The following DNMBP variants were observed in gnomAD, a reference collection of about 807,000 sequenced individuals.
DNMBP encodes the protein dynamin binding protein.
Under a neutral mutation model 150.0 loss-of-function variants are expected in DNMBP, and 87 were observed. That is an observed-to-expected ratio of 0.58 (90% CI 0.49 to 0.69). The LOEUF is 0.69. Ranked by LOEUF, DNMBP falls within the 30% of genes least tolerant of loss-of-function variation. DNMBP has a pLI of 0.00. For synonymous variants in DNMBP, 711 were observed against 750.4 expected, an observed-to-expected ratio of 0.95 and a Z score of 0.86; for missense variants, 1,774 against 1,949.0, an observed-to-expected ratio of 0.91 and a Z score of 1.69.
intron 3 of DNMBP, among the ~76,000 whole-genome samples, chr10:99,968,579 T>C (rs2133350426): frequency 6.6e-6 from 1 of 151,618 alleles, no homozygotes; most frequent in Non-Finnish European, 1.5e-5. Context: ...TCCCAGCTAC[T>C]CATGAAGCTG....
At chr10:99,920,423 G>A (rs201289271) in intron 4 of DNMBP, among the ~76,000 whole-genome samples, 2 of 151,970 alleles carry the variant, frequency 1.3e-5, no homozygotes, top group Non-Finnish European at 2.9e-5. Context: ...CCTAGGATAT[G>A]GGTGGGGTAA....
At position 99,915,108 on chromosome 10, in the gene DNMBP, A is replaced by AAAAAAAAT. The variant is rs10654940; in HGVS notation, c.2261-5963_2261-5962insATTTTTTT. Among the ~76,000 whole-genome samples the AAAAAAAAT allele has an allele frequency of 6.2e-3, 614 of 99,700 alleles. 8 individuals carry two copies. The highest frequency in any genetic ancestry group is 0.016 in the South Asian group (48 of 2,990). The allele number at this position is 99,700 out of a possible 152,430, so 65.4% of individuals were successfully genotyped here. On this transcript the variant is annotated intron_variant, in intron 4 of 16. Coordinates refer to ENST00000324109, the MANE Select transcript of DNMBP (RefSeq NM_015221.4). Reference sequence around the variant, plus strand: ...AAACTCTGTCTCAAAAAAAAAAAAAAATATATATATATATATATATACACA... The same window carrying AAAAAAAAT: ...AAACTCTGTCTCAAAAAAAAAAAAAAAAAAAAATATATATATATATATATATATACACA...
chr10:99,888,256 G>A (rs1331111489), intron 12 of DNMBP, among the ~76,000 whole-genome samples: 1 of 150,718 alleles, frequency 6.6e-6, no homozygotes, highest in East Asian at 1.9e-4. Context: ...TGTTGCCCAG[G>A]CTGGAGTACA....
chr10:99,898,803 G>A (rs751490074), intron 7 of DNMBP, 43 bp from the exon 8 acceptor site: 1 of 1,578,332 alleles, frequency 6.3e-7, no homozygotes, highest in East Asian at 2.2e-5. Flanking sequence ...CAGTTTATTA[G>A]AGAGAGAATC....
chr10:100,002,773 T>G (rs2133390914), intron 1 of DNMBP, among the ~76,000 whole-genome samples: 1 of 152,246 alleles, frequency 6.6e-6, no homozygotes, highest in South Asian at 2.1e-4. Context: ...TGATGCCATC[T>G]TATTTCCTCA....
intron 1 of DNMBP, among the ~76,000 whole-genome samples, chr10:99,974,484 A>G (rs1318349581): frequency 6.6e-6 from 1 of 152,184 alleles, no homozygotes; most frequent in Non-Finnish European, 1.5e-5. Context: ...TCACCAGAGT[A>G]TCCAGGCCTG....
At chr10:99,913,791 A>C (rs2039930162) in intron 4 of DNMBP, among the ~76,000 whole-genome samples, 2 of 152,184 alleles carry the variant, frequency 1.3e-5, no homozygotes, top group Admixed American at 6.5e-5. Context: ...TTCAGAGTTA[A>C]AGAGCAGAGC....
At chr10:99,936,914 T>G (rs754087431) in intron 4 of DNMBP, among the ~76,000 whole-genome samples, 5 of 152,028 alleles carry the variant, frequency 3.3e-5, no homozygotes, top group Admixed American at 6.6e-5. Flanking sequence ...TTTCTTATTC[T>G]TTGAGACAGA....
At chr10:99,959,545 C>T (rs1326478383) in intron 3 of DNMBP, among the ~76,000 whole-genome samples, 1 of 151,996 alleles carries the variant, frequency 6.6e-6, no homozygotes, top group Non-Finnish European at 1.5e-5. Flanking sequence ...TTTGGGGTCT[C>T]AATAACTTTT....
chr10:100,000,998 C>T (rs186720238), intron 1 of DNMBP, among the ~76,000 whole-genome samples: 73 of 150,784 alleles, frequency 4.8e-4, no homozygotes, highest in African/African-American at 1.6e-3. Flanking sequence ...TTTGGGAGGC[C>T]GAGGCGGGCA....
Position 99,956,734 on chromosome 10 carries a change from T to C in DNMBP, c.740A>G (p.Tyr247Cys), listed in dbSNP as rs752409286. ...PDEDEEEPGT[Y>C]GVALYRFQAL... ...TTGGAATCTGTACAGGGCGACCCCA[T>C]AGGTCCCTGGCTCCTCCTCATCCTC... Residue 247 changes from tyrosine (Y) to cysteine (C), a missense_variant, in exon 4 of 17, where the codon TAT (tyrosine) becomes TGT (cysteine). Physicochemically the swap from Tyr to Cys is radical, Grantham distance 194. Around this residue, in one of 2 missense-constraint regions of DNMBP, gnomAD observed 344 missense variants for 456.6 expected, o/e 0.75. Coordinates refer to ENST00000324109, the MANE Select transcript of DNMBP (RefSeq NM_015221.4). The C allele has an allele frequency of 1.2e-5, 20 of 1,614,108 alleles. No individual in the cohort carries two copies. The highest frequency in any genetic ancestry group is 1.7e-5 in the Non-Finnish European group (20 of 1,180,014).
chr10:99,972,144 T>A lies in DNMBP; in HGVS notation c.-10-10A>T. The A allele has an allele frequency of 6.2e-7, 1 of 1,602,972 alleles. No individual in the cohort carries two copies. The highest frequency in any genetic ancestry group is 8.5e-7 in the Non-Finnish European group (1 of 1,176,694). On this transcript the variant is annotated splice_polypyrimidine_tract_variant and intron_variant, in intron 1 of 16. Coordinates refer to ENST00000324109, the MANE Select transcript of DNMBP (RefSeq NM_015221.4). ...CTCCATGTTTTATAACCTGGAAAGA[T>A]AGATCAAGAGAAATAGAAAACATCA...
chr10:99,917,465 T>G (rs2039976490), intron 4 of DNMBP, among the ~76,000 whole-genome samples: 1 of 152,244 alleles, frequency 6.6e-6, no homozygotes, highest in African/African-American at 2.4e-5. Flanking sequence ...TTTCCTTTCT[T>G]TTCACTTATT....
At position 99,940,585 on chromosome 10, in the gene DNMBP, G is replaced by A. The variant is rs540812759; in HGVS notation, c.2260+14629C>T. On this transcript the variant is annotated intron_variant, in intron 4 of 16. Transcript: ENST00000324109. ...ATCAGTCCCGTAAACTTATGAACGC[G>A]TACTAATGTTTCTCATCTTACAAAC... Among the ~76,000 whole-genome samples the A allele has an allele frequency of 1.7e-4, 26 of 152,178 alleles. 1 individual carries two copies. Among genetic ancestry groups the A allele is most frequent in the Non-Finnish European group, 2.8e-4 (19 of 68,016 alleles).
intron 4 of DNMBP, among the ~76,000 whole-genome samples, chr10:99,938,899 C>A (rs2040263160): frequency 6.6e-6 from 1 of 152,182 alleles, no homozygotes; most frequent in African/African-American, 2.4e-5. Flanking sequence ...ACACAACAGT[C>A]ACACTCCACT....
chr10:99,885,593 A>G (rs1364413908), intron 14 of DNMBP, 94 bp downstream of exon 14: 3 of 1,155,652 alleles, frequency 2.6e-6, no homozygotes, highest in Non-Finnish European at 3.6e-6. Flanking sequence ...GAAATACAGA[A>G]ACTCCAATAG....
chr10:99,978,724 G>A (rs1183734989), intron 1 of DNMBP, among the ~76,000 whole-genome samples: 1 of 152,006 alleles, frequency 6.6e-6, no homozygotes, highest in East Asian at 1.9e-4. Flanking sequence ...GATCACAGGT[G>A]TGTACCACCA....
chr10:99,990,214 A>T (rs909121043), intron 1 of DNMBP, among the ~76,000 whole-genome samples: 1 of 152,144 alleles, frequency 6.6e-6, no homozygotes, highest in Admixed American at 6.5e-5. Flanking sequence ...TTGGGCAATT[A>T]GCGGCACCTG....
chr10:99,929,514 C>G lies in DNMBP; in HGVS notation c.2261-20368G>C, dbSNP rs1001770280. On this transcript the variant is annotated intron_variant, in intron 4 of 16. Coordinates refer to ENST00000324109, the MANE Select transcript of DNMBP (RefSeq NM_015221.4). ...CTTGATAAGAAGTTCAGGGCCCGGG[C>G]TCCTTAAGAACACAAGTGCTCCTAG... 5.0e-6 allele frequency: 3 copies of G among 598,966 alleles called. No individual in the cohort carries two copies. In the African/African-American group the frequency reaches 5.6e-5, roughly 11 times the overall value. The allele number at this position is 598,966 out of a possible 1,614,324, so 37.1% of individuals were successfully genotyped here.
Sources: allele counts gnomAD v4.1 joint callset (sites outside exome capture counted in the v4.1 genomes callset), GRCh38; gene constraint gnomAD v4.1.1; regional missense constraint gnomAD v4.1.1; transcripts MANE v1.5; gene names NCBI Gene and HGNC (gene_info 2026-07-23, HGNC 2026-07-21).